Variants in ZNF565 observed in about 807,000 individuals in gnomAD.
ZNF565 encodes the protein zinc finger protein 565.
A neutral mutation model predicts 39.4 loss-of-function variants in ZNF565; 27 were observed. That is an observed-to-expected ratio of 0.69 (90% CI 0.51 to 0.95). The LOEUF (loss-of-function observed/expected upper bound fraction) is 0.95. ZNF565 is among the 40% of genes least tolerant of loss of function. The pLI is 0.00. For missense variants in ZNF565, 524 were observed against 621.1 expected (o/e 0.84, Z 1.66); for synonymous variants, 185 against 216.6 (o/e 0.85, Z 1.28).
In ZNF565 at chr19:36,183,394, C is replaced by G. The variant is rs780861483; in HGVS notation, c.572G>C (p.Gly191Ala). The change falls in exon 5 of 5, where the codon GGT (glycine) becomes GCT (alanine). Residue 191 changes from glycine to alanine, a missense_variant. Transcript: ENST00000304116. ...HLIQHQKIHT[G>A]EKPFGCKECG... ...TTCCTTACATCCAAAGGGTTTTTCA[C>G]CAGTGTGAATTTTCTGATGTTGAAT... 3 of 1,608,158 alleles carry G rather than the reference C, an allele frequency of 1.9e-6. No homozygotes were observed. Among genetic ancestry groups the G allele is most frequent in the African/African-American group, 1.3e-5 (1 of 74,810 alleles).
intron 1 of ZNF565, among the ~76,000 whole-genome samples, chr19:36,242,428 C>T (rs1169876771): frequency 6.9e-6 from 1 of 145,408 alleles, no homozygotes; most frequent in African/African-American, 2.6e-5. Flanking sequence ...AAAGAACAAC[C>T]TATTAAAAAT....
Position 36,197,285 on chromosome 19 carries a change from A to AAAC in ZNF565, c.10-2132_10-2130dup, listed in dbSNP as rs571202635. 3.4e-3 allele frequency among the ~76,000 whole-genome samples: 511 copies of AAAC among 151,518 alleles called. 3 individuals are homozygous for AAAC. Among genetic ancestry groups the AAAC allele is most frequent in the African/African-American group, 0.011 (442 of 41,350 alleles). ...AGACTCTGTCTCAAAAAAAACAAAC[A>AAAC]AACAACAACAACAACAACAAAACCC... On this transcript the variant is annotated intron_variant, in intron 2 of 4. Transcript: ENST00000304116.
At chr19:36,227,064 CAA>C (rs1173824506) in intron 1 of ZNF565, among the ~76,000 whole-genome samples, 2 of 141,846 alleles carry the variant, frequency 1.4e-5, no homozygotes, top group Non-Finnish European at 3.1e-5. Context: ...GCCTGGGCAA[CAA>C]GAGTAAAACT....
At chr19:36,240,233 T>A (rs1977775257) in intron 1 of ZNF565, among the ~76,000 whole-genome samples, 1 of 152,222 alleles carries the variant, frequency 6.6e-6, no homozygotes, top group Non-Finnish European at 1.5e-5. Flanking sequence ...TGGATAGCAT[T>A]TACATTGTAT....
At chr19:36,205,855 A>G (rs574350742) in intron 1 of ZNF565, among the ~76,000 whole-genome samples, 14 of 152,298 alleles carry the variant, frequency 9.2e-5, no homozygotes, top group African/African-American at 3.4e-4. Flanking sequence ...AAAGGAAGTC[A>G]GAATTCTTTC....
intron 1 of ZNF565, among the ~76,000 whole-genome samples, chr19:36,223,577 A>G (rs566283977): frequency 1.1e-4 from 16 of 151,866 alleles, no homozygotes; most frequent in African/African-American, 3.6e-4. Flanking sequence ...GTTAGCCAGG[A>G]TGGTCTCGAT....
chr19:36,210,626 A>ATT (rs376828715), intron 1 of ZNF565, among the ~76,000 whole-genome samples: 17 of 143,734 alleles, frequency 1.2e-4, no homozygotes, highest in Non-Finnish European at 2.5e-4. Flanking sequence ...TCAAAAAATC[A>ATT]TTTTTTTTTT....
At chr19:36,206,107 G>A (rs1035109639) in intron 1 of ZNF565, among the ~76,000 whole-genome samples, 5 of 151,976 alleles carry the variant, frequency 3.3e-5, no homozygotes, top group South Asian at 2.1e-4. Flanking sequence ...AATTACAAGC[G>A]TGCACCATCA....
In ZNF565 at chr19:36,211,449, TCACACA is replaced by T. The variant is rs370230430; in HGVS notation, c.-66+3167_-66+3172del. On this transcript the variant is annotated intron_variant, in intron 1 of 4. Transcript: ENST00000304116. ...ACAAGAGCCAAACTCCAACTCTCTCTCACACACACACACACACACACACACACACAC... is the reference window on the plus strand; with the variant it reads ...ACAAGAGCCAAACTCCAACTCTCTCTCACACACACACACACACACACACAC... 3.7e-4 allele frequency among the ~76,000 whole-genome samples: 51 copies of T among 137,776 alleles called. 1 individual carries two copies. The highest frequency in any genetic ancestry group is 3.9e-3 in the Middle Eastern group (1 of 256). 90.4% of individuals were successfully genotyped at this position (137,776 alleles called of 152,430 possible). A position where few individuals can be genotyped will look rare whatever the true frequency, so the allele number is the denominator to read the frequency against.
Position 36,221,893 on chromosome 19 carries a change from G to GTATGTCC in ZNF565, c.56-19850_56-19844dup, listed in dbSNP as rs1976856446. On this transcript the variant is annotated intron_variant, in intron 1 of 4. Transcript: ENST00000355114. ...CTATATCTCACTTTCTTTAATAACA[G>GTATGTCC]TATGTCCTAGAGATAGCCCTTCCTT... 8.2e-5 allele frequency among the ~76,000 whole-genome samples: 12 copies of GTATGTCC among 145,848 alleles called. No homozygotes were observed. The South Asian group carries it at 2.6e-3, about 32-fold the overall frequency.
intron 1 of ZNF565, among the ~76,000 whole-genome samples, chr19:36,204,358 G>C (rs759127659): frequency 6.6e-6 from 1 of 152,172 alleles, no homozygotes; most frequent in African/African-American, 2.4e-5. Flanking sequence ...GGCAGAAAAG[G>C]GACAGAGAAT....
chr19:36,212,075 A>G (rs1055829047), intron 1 of ZNF565, among the ~76,000 whole-genome samples: 2 of 152,168 alleles, frequency 1.3e-5, no homozygotes, highest in African/African-American at 4.8e-5. Flanking sequence ...AATTAATACC[A>G]CTCATAGTGT....
At chr19:36,237,339 AAAGTGG>A in intron 1 of ZNF565, 1 of 1,564,496 alleles carries the variant, frequency 6.4e-7, no homozygotes, top group Non-Finnish European at 8.6e-7. Flanking sequence ...GAAAGCCTTG[AAAGTGG>A]GAAAGCTTTC....
rs1975145145 is a variant in ZNF565 at position 36,183,098 on chromosome 19, G to A, written c.868C>T (p.Arg290Cys). ...CGATGCACAGTGAGTTGGGAGCCAC[G>A]AATGAAAGCCTTGCCACAGTCTTTA... ...VCKDCGKAFI[R>C]GSQLTVHRRI... The change falls in exon 5 of 5, where the codon CGT (arginine) becomes TGT (cysteine). Residue 290 changes from arginine (R) to cysteine (C), a missense_variant. Coordinates refer to ENST00000304116, the MANE Select transcript of ZNF565 (RefSeq NM_152477.5). The A allele has an allele frequency of 1.9e-6, 3 of 1,614,154 alleles. No homozygotes were observed. Among genetic ancestry groups the A allele is most frequent in the Non-Finnish European group, 2.5e-6 (3 of 1,180,028 alleles).
chr19:36,203,687 C>T lies in ZNF565; in HGVS notation c.-65-1637G>A, dbSNP rs1041672953. On this transcript the variant is annotated intron_variant, in intron 1 of 4. Coordinates refer to ENST00000304116, the MANE Select transcript of ZNF565 (RefSeq NM_152477.5). ...GTCTCCCAGGTTCAAGTGATTCTCC[C>T]GCCTCAACCTCACAAGTAGCTAGGA... 1.1e-3 allele frequency: 171 copies of T among 152,274 alleles called. 1 individual carries two copies. The highest frequency in any genetic ancestry group is 3.9e-3 in the African/African-American group (162 of 41,526). The allele number at this position is 152,274 out of a possible 1,614,324, so 9.4% of individuals were successfully genotyped here.
chr19:36,210,419 C>CA (rs35345882), intron 1 of ZNF565, among the ~76,000 whole-genome samples: 4,914 of 66,782 alleles, frequency 0.074, 228 homozygotes, highest in Non-Finnish European at 0.098. Flanking sequence ...AATTCTGTCT[C>CA]AAAAAAAAAA....
chr19:36,210,880 G>A (rs1015994108), intron 1 of ZNF565, among the ~76,000 whole-genome samples: 4 of 151,966 alleles, frequency 2.6e-5, no homozygotes, highest in South Asian at 2.1e-4. Flanking sequence ...CCACATCAAC[G>A]TGGAACACCT....
intron 2 of ZNF565, among the ~76,000 whole-genome samples, chr19:36,197,349 G>A (rs1358842737): frequency 6.6e-6 from 1 of 151,654 alleles, no homozygotes; most frequent in Non-Finnish European, 1.5e-5. Flanking sequence ...GTGCGTGCCT[G>A]TAGTCCCAGC....
At chr19:36,184,310 A>G (rs1311346974) in intron 4 of ZNF565, among the ~76,000 whole-genome samples, 1 of 151,870 alleles carries the variant, frequency 6.6e-6, no homozygotes, top group South Asian at 2.1e-4. Flanking sequence ...TCTGTCGCCC[A>G]GGCTGGAATG....
Sources: allele counts gnomAD v4.1 joint callset (sites outside exome capture counted in the v4.1 genomes callset), GRCh38; gene constraint gnomAD v4.1.1; transcripts MANE v1.5; gene names NCBI Gene and HGNC (gene_info 2026-07-23, HGNC 2026-07-21).